Variants in SNRK observed in about 807,000 individuals in gnomAD.
The protein encoded by SNRK is SNF related kinase, also known as SNF-related serine/threonine-protein kinase.
SNRK carries 3 observed loss-of-function variants against 48.2 expected under a neutral mutation model. The observed-to-expected ratio is 0.06, with a 90% CI of 0.03 to 0.16. SNRK has a LOEUF of 0.16. Among genes scored for constraint, SNRK ranks in the 10% least tolerant of loss-of-function variants. The probability of loss-of-function intolerance (pLI) is 1.00; values close to 1 mark genes in which losing one functional copy is unlikely to be tolerated. For synonymous variants in SNRK, 376 were observed against 366.1 expected, an observed-to-expected ratio of 1.03 and a Z score of -0.31; for missense variants, 627 against 976.0, an observed-to-expected ratio of 0.64 and a Z score of 4.76.
intron 1 of SNRK, among the ~76,000 whole-genome samples, chr3:43,292,829 A>G (rs1486276740): frequency 6.6e-6 from 1 of 152,070 alleles, no homozygotes; most frequent in East Asian, 1.9e-4. Flanking sequence ...TCACTTGTGT[A>G]ATTATTTCTC....
At chr3:43,325,054 C>G (rs551534879) in intron 3 of SNRK, among the ~76,000 whole-genome samples, 1 of 152,332 alleles carries the variant, frequency 6.6e-6, no homozygotes, top group South Asian at 2.1e-4. Context: ...AACCCATTTT[C>G]TTAGCCTGCC....
chr3:43,325,969 C>T (rs183050262), intron 3 of SNRK, among the ~76,000 whole-genome samples: 109 of 152,128 alleles, frequency 7.2e-4, no homozygotes, highest in African/African-American at 2.5e-3. Context: ...CTTATCTTTC[C>T]GTTTTCATTT....
At chr3:43,302,956 T>C (rs1388299377) in intron 2 of SNRK, 142 bp from the exon 3 acceptor site, 1 of 372,256 alleles carries the variant, frequency 2.7e-6, no homozygotes, top group Admixed American at 4.2e-5. Context: ...ATAGGTTTTA[T>C]TAATGACCCT....
chr3:43,334,621 G>GA (rs2091172635), intron 4 of SNRK, among the ~76,000 whole-genome samples: 1 of 149,882 alleles, frequency 6.7e-6, no homozygotes, highest in East Asian at 1.9e-4. Context: ...TTGAGATGGA[G>GA]TCTAGTGGTG....
At position 43,350,934 on chromosome 3, in the gene SNRK, T is replaced by A. The variant is rs2091318798; in HGVS notation, c.*2377T>A. 1 of 152,638 alleles carries A rather than the reference T, an allele frequency of 6.6e-6. No homozygotes were observed. Among genetic ancestry groups the A allele is most frequent in the African/African-American group, 2.4e-5 (1 of 41,458 alleles). 9.5% of individuals were successfully genotyped at this position (152,638 alleles called of 1,614,324 possible). On this transcript the variant is annotated 3_prime_UTR_variant, in exon 7 of 7. Transcript: ENST00000296088. Reference sequence around the variant, plus strand: ...AAAGATGTGACAATCTTGACACCAATTTTAAGAATAGCTGTGAGACCGAAT... The same window carrying A: ...AAAGATGTGACAATCTTGACACCAAATTTAAGAATAGCTGTGAGACCGAAT...
rs772412582 is a variant in SNRK at position 43,348,136 on chromosome 3, G to A, written c.1877G>A (p.Cys626Tyr). The A allele has an allele frequency of 6.3e-7, 1 of 1,580,262 alleles. No individual in the cohort carries two copies. Among genetic ancestry groups the A allele is most frequent in the Admixed American group, 1.8e-5 (1 of 55,740 alleles). Residue 626 changes from cysteine to tyrosine, a missense_variant, in exon 7 of 7, where the codon TGT (cysteine) becomes TAT (tyrosine). This residue lies in a region of SNRK where 207 missense variants were observed against 234.3 expected (regional missense o/e 0.88). Transcript: ENST00000296088. ...AATACATCGGGTACCACACGCCGCTGTGCCGGCCCCAGCAACTCCATGCAG... is the reference window on the plus strand; with the variant it reads ...AATACATCGGGTACCACACGCCGCTATGCCGGCCCCAGCAACTCCATGCAG... ...PTNTSGTTRRCAGPSNSMQLA... is the reference protein window; with the variant it reads ...PTNTSGTTRRYAGPSNSMQLA...
rs2091294271 is a variant in SNRK, at chr3:43,348,247, A to G, written c.1988A>G (p.Lys663Arg). 1 of 1,614,010 alleles carries G rather than the reference A, an allele frequency of 6.2e-7. No individual in the cohort carries two copies. Among genetic ancestry groups the G allele is most frequent in the Non-Finnish European group, 8.5e-7 (1 of 1,179,922 alleles). ...GGCTCCCAGCTTCATGGGAGCACCA[A>G]GTACATTATTGATCCACAGAATGGC... ...CLGSQLHGST[K>R]YIIDPQNGLS... The change falls in exon 7 of 7, where the codon AAG becomes AGG. Residue 663 changes from lysine to arginine, a missense_variant. Transcript: ENST00000296088.
At chr3:43,337,467 C>T (rs1575557804) in intron 4 of SNRK, among the ~76,000 whole-genome samples, 1 of 152,144 alleles carries the variant, frequency 6.6e-6, no homozygotes, top group East Asian at 1.9e-4. Context: ...GTCACCCAGG[C>T]TGGAATGCCT....
chr3:43,309,993 T>C lies in SNRK; in HGVS notation c.589+6201T>C, dbSNP rs191491913. ...TAATGCTGTTGCACATTTAATAGAC[T>C]ACGGTATAGTATAAACATAACTTTT... On this transcript the variant is annotated intron_variant, in intron 3 of 6. Coordinates refer to ENST00000296088, the MANE Select transcript of SNRK (RefSeq NM_017719.5). Among the ~76,000 whole-genome samples, 7 of 152,308 alleles carry C rather than the reference T, an allele frequency of 4.6e-5. No individual in the cohort carries two copies. The South Asian group carries it at 1.5e-3, about 32-fold the overall frequency.
At chr3:43,301,505 C>T (rs529947247) in intron 2 of SNRK, among the ~76,000 whole-genome samples, 1 of 152,194 alleles carries the variant, frequency 6.6e-6, no homozygotes, top group African/African-American at 2.4e-5. Flanking sequence ...GTGGCTCCAG[C>T]CTGTAATCCT....
At chr3:43,308,932 G>A (rs1014702158) in intron 3 of SNRK, among the ~76,000 whole-genome samples, 2 of 152,166 alleles carry the variant, frequency 1.3e-5, no homozygotes, top group Non-Finnish European at 2.9e-5. Flanking sequence ...CATGGGAGGA[G>A]GTCAGAATAT....
At chr3:43,342,185 G>A (rs1173615163) in intron 5 of SNRK, among the ~76,000 whole-genome samples, 1 of 152,198 alleles carries the variant, frequency 6.6e-6, no homozygotes, top group African/African-American at 2.4e-5. Context: ...AATCCAAAAG[G>A]TAGTGCAATT....
In SNRK at chr3:43,348,516, C is replaced by A. The variant is rs756776738; in HGVS notation, c.2257C>A (p.Leu753Met). The change falls in exon 7 of 7, where the codon CTG (leucine) becomes ATG (methionine). Residue 753 changes from leucine to methionine, a missense_variant. This residue lies in a region of SNRK where 207 missense variants were observed against 234.3 expected (regional missense o/e 0.88). Coordinates refer to ENST00000296088, the MANE Select transcript of SNRK (RefSeq NM_017719.5). ...CCAGCGGAACCCTAAGGAGGGGCTG[C>A]TGTGCGCATCCAGCCCAGCCAGCTG... ...NIQRNPKEGLLCASSPASCCH... is the reference protein window; with the variant it reads ...NIQRNPKEGLMCASSPASCCH... 11 of 1,561,474 alleles carry A rather than the reference C, an allele frequency of 7.0e-6. No individual in the cohort carries two copies. Among genetic ancestry groups the A allele is most frequent in the Non-Finnish European group, 8.6e-6 (10 of 1,157,026 alleles).
Position 43,332,164 on chromosome 3 carries a change from T to G in SNRK, c.590-5T>G, listed in dbSNP as rs774661871. The G allele has an allele frequency of 1.3e-6, 2 of 1,543,772 alleles. No individual in the cohort carries two copies. Among genetic ancestry groups the G allele is most frequent in the Admixed American group, 2.2e-5 (1 of 45,736 alleles). On this transcript the variant is annotated splice_polypyrimidine_tract_variant and splice_region_variant and intron_variant, in intron 3 of 6. Transcript: ENST00000296088. The stretch of plus-strand genomic sequence containing the variant: ...AATATTTTAAAGTATGTCTTTGATT[T>G]ATAGATATTTGGAGTCTGGGAGTGA...
Position 43,347,438 on chromosome 3 carries a change from G to A in SNRK, c.1179G>A (p.Arg393=). The A allele has an allele frequency of 6.2e-7, 1 of 1,613,990 alleles. No homozygotes were observed. Among genetic ancestry groups the A allele is most frequent in the Non-Finnish European group, 8.5e-7 (1 of 1,180,004 alleles). The change falls in exon 7 of 7, where the codon CGG becomes CGA. Residue 393 remains arginine, a synonymous_variant. Coordinates refer to ENST00000296088, the MANE Select transcript of SNRK (RefSeq NM_017719.5). This position sits in a 1 kb window ranked among gnomAD's most constrained non-coding sequence, Gnocchi z 5.4. Reference sequence around the variant, plus strand: ...CGACTGTCCCTCAGTCTCCTGCTCGGGCTGCTGACAGTGTCCTCAATGGCC... The same window carrying A: ...CGACTGTCCCTCAGTCTCCTGCTCGAGCTGCTGACAGTGTCCTCAATGGCC... ...SHATVPQSPA[R]AADSVLNGHR...
chr3:43,307,099 C>T (rs542464938), intron 3 of SNRK, among the ~76,000 whole-genome samples: 1 of 152,186 alleles, frequency 6.6e-6, no homozygotes, highest in South Asian at 2.1e-4. Flanking sequence ...TCTGACCTGT[C>T]ATTTTCTGAG....
intron 1 of SNRK, among the ~76,000 whole-genome samples, chr3:43,296,416 A>ATATATATATATATATATATATATATATG (rs1491297171): frequency 3.7e-3 from 32 of 8,732 alleles, no homozygotes; most frequent in Admixed American, 9.0e-3. Flanking sequence ...ATATACTGGC[A>ATATATATATATATATATATATATATATG]TATATATATA....
intron 4 of SNRK, 73 bp downstream of exon 4, chr3:43,332,383 T>C (rs1365037331): frequency 8.8e-7 from 1 of 1,134,932 alleles, no homozygotes; most frequent in East Asian, 3.0e-5. Flanking sequence ...CATTAATATG[T>C]CAAGAAAATT....
chr3:43,293,361 C>T (rs557595536), intron 1 of SNRK, among the ~76,000 whole-genome samples: 42 of 152,154 alleles, frequency 2.8e-4, no homozygotes, highest in African/African-American at 6.0e-4. Flanking sequence ...TAGTATAGTA[C>T]GCAGTGTATT....
Sources: allele counts gnomAD v4.1 joint callset (sites outside exome capture counted in the v4.1 genomes callset), GRCh38; gene constraint gnomAD v4.1.1; regional missense constraint gnomAD v4.1.1; non-coding constraint Gnocchi (gnomAD v3.1); transcripts MANE v1.5; gene names NCBI Gene and HGNC (gene_info 2026-07-23, HGNC 2026-07-21).